Variants in GLIS3 observed in about 807,000 individuals in gnomAD.
GLIS3 encodes the protein GLIS family zinc finger 3.
Under a neutral mutation model 78.6 loss-of-function variants are expected in GLIS3, and 53 were observed. The ratio of observed to expected loss-of-function variants is 0.67; its 90% CI spans 0.54 to 0.85. GLIS3 has a LOEUF of 0.85. Among genes scored for constraint, GLIS3 ranks in the 40% least tolerant of loss-of-function variants. The probability of loss-of-function intolerance (pLI) is 0.00; values close to 1 mark genes in which losing one functional copy is unlikely to be tolerated. For synonymous variants in GLIS3, 684 were observed against 509.9 expected, an observed-to-expected ratio of 1.34 and a Z score of -4.60; for missense variants, 1,703 against 1,231.1, an observed-to-expected ratio of 1.38 and a Z score of -5.74.
chr9:4,456,236 C>T, the GLIS3 span, among the ~76,000 whole-genome samples: 1 of 152,136 alleles, frequency 6.6e-6, no homozygotes, highest in Non-Finnish European at 1.5e-5. Context: ...ATCATGTGAG[C>T]CCTCAGAAAG....
intron 3 of GLIS3, among the ~76,000 whole-genome samples, chr9:4,120,662 G>A (rs1051579427): frequency 1.3e-5 from 2 of 152,166 alleles, no homozygotes; most frequent in South Asian, 2.1e-4. Flanking sequence ...ATGAGACAGA[G>A]ACAACTGACT....
the GLIS3 span, among the ~76,000 whole-genome samples, chr9:4,437,791 T>C: frequency 6.6e-6 from 1 of 152,204 alleles, no homozygotes; most frequent in African/African-American, 2.4e-5. Flanking sequence ...ACAATGAGGG[T>C]GAGGACCTTT....
intron 4 of GLIS3, among the ~76,000 whole-genome samples, chr9:4,027,426 T>G (rs1048081030): frequency 1.5e-4 from 23 of 152,302 alleles, no homozygotes; most frequent in Admixed American, 1.1e-3. Flanking sequence ...GGACAATCAG[T>G]TCATTTGAGG....
At chr9:4,144,122 G>A (rs1834023914) in intron 2 of GLIS3, among the ~76,000 whole-genome samples, 1 of 152,234 alleles carries the variant, frequency 6.6e-6, no homozygotes, top group East Asian at 1.9e-4. Flanking sequence ...GAAGGCAAGG[G>A]AACAAAGATC....
At chr9:4,020,196 G>C (rs1822767104) in intron 4 of GLIS3, among the ~76,000 whole-genome samples, 1 of 152,222 alleles carries the variant, frequency 6.6e-6, no homozygotes, top group African/African-American at 2.4e-5. Flanking sequence ...AGGAAGCTAA[G>C]TCAGGGGCAT....
intron 7 of GLIS3, among the ~76,000 whole-genome samples, chr9:3,887,870 C>G (rs888876561): frequency 1.3e-5 from 2 of 152,226 alleles, no homozygotes; most frequent in Non-Finnish European, 2.9e-5. Context: ...CTATCAACTT[C>G]TCTGGGATGA....
At chr9:3,831,624 A>G (rs909990667) in intron 9 of GLIS3, among the ~76,000 whole-genome samples, 1 of 152,246 alleles carries the variant, frequency 6.6e-6, no homozygotes, top group African/African-American at 2.4e-5. Context: ...CTGATAAAGT[A>G]TCCTGAAAAT....
At chr9:4,179,163 A>T (rs1287168387) in intron 2 of GLIS3, among the ~76,000 whole-genome samples, 1 of 152,224 alleles carries the variant, frequency 6.6e-6, no homozygotes, top group Non-Finnish European at 1.5e-5. Context: ...ATAGTCTGCA[A>T]ATGTTCAGTA....
chr9:3,931,477 C>T (rs1825612414), intron 6 of GLIS3, among the ~76,000 whole-genome samples: 1 of 152,062 alleles, frequency 6.6e-6, no homozygotes, highest in South Asian at 2.1e-4. Flanking sequence ...ATAAAGGGCC[C>T]TCAAATGAAT....
intron 2 of GLIS3, among the ~76,000 whole-genome samples, chr9:4,173,381 C>G (rs572580714): frequency 1.3e-5 from 2 of 152,228 alleles, no homozygotes; most frequent in Admixed American, 6.5e-5. Flanking sequence ...TAATTTGTCC[C>G]TAACTCTTCC....
chr9:3,825,747 C>G lies in GLIS3; in HGVS notation c.*2525G>C, dbSNP rs1321245059. 6.6e-6 allele frequency: 1 copy of G among 152,204 alleles called. No individual in the cohort carries two copies. Among genetic ancestry groups the G allele is most frequent in the East Asian group, 1.9e-4 (1 of 5,192 alleles). The allele number at this position is 152,204 out of a possible 1,614,324, so 9.4% of individuals were successfully genotyped here. ...ATAGTGTGTGTAGTCTGGAAGGCATCTGAACGTGTCCTATCCTGAGGCTGC... is the reference window on the plus strand; with the variant it reads ...ATAGTGTGTGTAGTCTGGAAGGCATGTGAACGTGTCCTATCCTGAGGCTGC... On this transcript the variant is annotated 3_prime_UTR_variant, in exon 11 of 11. Coordinates refer to ENST00000381971, the MANE Select transcript of GLIS3 (RefSeq NM_001042413.2).
Position 4,029,987 on chromosome 9 carries a change from G to A in GLIS3, c.1710+87781C>T, listed in dbSNP as rs539427347. On this transcript the variant is annotated intron_variant, in intron 4 of 10. Coordinates refer to ENST00000381971, the MANE Select transcript of GLIS3 (RefSeq NM_001042413.2). The stretch of plus-strand genomic sequence containing the variant: ...GTGGGATTGATAGCTGGATCTTACG[G>A]TGGCTCAATTTTTGTTTTTTTGAGG... Among the ~76,000 whole-genome samples the A allele has an allele frequency of 1.2e-4, 18 of 152,210 alleles. No homozygotes were observed. The East Asian group carries it at 3.5e-3, about 29-fold the overall frequency.
chr9:3,892,670 C>G (rs1257271734), intron 7 of GLIS3, among the ~76,000 whole-genome samples: 2 of 151,620 alleles, frequency 1.3e-5, no homozygotes, highest in South Asian at 4.2e-4. Flanking sequence ...TGAATAGGAA[C>G]AGTTTTTTTT....
chr9:4,003,213 C>G (rs1456494841), intron 4 of GLIS3, among the ~76,000 whole-genome samples: 1 of 152,156 alleles, frequency 6.6e-6, no homozygotes, highest in African/African-American at 2.4e-5. Flanking sequence ...GATCCCATCT[C>G]TGTTTTAAAA....
chr9:3,842,616 C>G (rs1248636514), intron 9 of GLIS3, among the ~76,000 whole-genome samples: 1 of 152,120 alleles, frequency 6.6e-6, no homozygotes, highest in African/African-American at 2.4e-5. Context: ...GTGTCTAGGC[C>G]AATGATTCTT....
At chr9:4,243,356 G>A (rs991486293) in intron 2 of GLIS3, among the ~76,000 whole-genome samples, 1 of 151,284 alleles carries the variant, frequency 6.6e-6, no homozygotes, top group East Asian at 2.0e-4. Flanking sequence ...GATCCCAGTA[G>A]ACAGAACCTC....
chr9:3,949,222 A>G (rs531252523), intron 4 of GLIS3, among the ~76,000 whole-genome samples: 2 of 152,336 alleles, frequency 1.3e-5, no homozygotes, highest in Admixed American at 6.5e-5. Context: ...TTAAATTCAC[A>G]AAGACTGACT....
intron 2 of GLIS3, among the ~76,000 whole-genome samples, chr9:4,173,892 C>G (rs1402741820): frequency 6.7e-6 from 1 of 149,504 alleles, no homozygotes; most frequent in Non-Finnish European, 1.5e-5. Context: ...GACATGAATC[C>G]TAGTCCGAGT....
chr9:4,098,814 T>A (rs1456739825), intron 4 of GLIS3, among the ~76,000 whole-genome samples: 1 of 152,154 alleles, frequency 6.6e-6, no homozygotes, highest in East Asian at 1.9e-4. Flanking sequence ...AGAAACTTAC[T>A]CATTTGTCAC....
Sources: gnomAD v4.1 joint callset for allele counts (sites outside exome capture counted in the v4.1 genomes callset) on GRCh38, gnomAD v4.1.1 for gene constraint, MANE v1.5 for transcripts, NCBI Gene and HGNC (gene_info 2026-07-23, HGNC 2026-07-21) for gene names.